The following GAPVD1 variants were observed in gnomAD, a reference collection of about 807,000 sequenced individuals.
GAPVD1 encodes the protein GTPase-activating protein and VPS9 domain-containing protein 1.
A neutral mutation model predicts 155.5 loss-of-function variants in GAPVD1; 35 were observed. The observed-to-expected ratio is 0.23, with a 90% CI of 0.17 to 0.30. The LOEUF is 0.30. GAPVD1 is among the 10% of genes least tolerant of loss of function. The pLI is 1.00. For synonymous variants in GAPVD1, 636 were observed against 619.7 expected, an observed-to-expected ratio of 1.03 and a Z score of -0.39; for missense variants, 1,429 against 1,775.7, an observed-to-expected ratio of 0.80 and a Z score of 3.51.
intron 12 of GAPVD1, among the ~76,000 whole-genome samples, chr9:125,328,775 G>A (rs972348080): frequency 6.6e-6 from 1 of 151,830 alleles, no homozygotes; most frequent in Non-Finnish European, 1.5e-5. Context: ...CAGTAGGGGC[G>A]GCCGGGCAGA....
At chr9:125,279,758 C>T (rs527876525) in intron 2 of GAPVD1, among the ~76,000 whole-genome samples, 1 of 151,014 alleles carries the variant, frequency 6.6e-6, no homozygotes, top group South Asian at 2.1e-4. Flanking sequence ...ATTATTTATT[C>T]AGTGACTTTT....
rs1272617217 is a variant in GAPVD1, at chr9:125,355,683, A to G, written c.3797A>G (p.Gln1266Arg). Reference protein sequence around the residue: ...KLTAADDKTAQVEDFLQFLYG... With the variant: ...KLTAADDKTARVEDFLQFLYG... ...ACCGCAGCTGACGATAAAACTGCTC[A>G]GGTAGAAGATTTTCTGCAGTTTCTT... Residue 1266 changes from glutamine to arginine, a missense_variant, in exon 25 of 28, where the codon CAG becomes CGG. By Grantham distance (43) the Gln-to-Arg change is conservative. Transcript: ENST00000297933. 1.2e-6 allele frequency: 2 copies of G among 1,613,570 alleles called. No homozygotes were observed. Among genetic ancestry groups the G allele is most frequent in the Non-Finnish European group, 1.7e-6 (2 of 1,179,616 alleles).
chr9:125,333,270 G>C (rs1354381937), intron 15 of GAPVD1, among the ~76,000 whole-genome samples: 1 of 151,126 alleles, frequency 6.6e-6, no homozygotes, highest in Admixed American at 6.6e-5. Context: ...TAGTAGATAC[G>C]GGGGTTTCAT....
Position 125,321,576 on chromosome 9 carries a change from T to C in GAPVD1, c.1732+14T>C. On this transcript the variant is annotated intron_variant, in intron 10 of 27. Coordinates refer to ENST00000297933, the MANE Select transcript of GAPVD1 (RefSeq NM_001282680.3). ...GAATATCTGAAGGTGAAGGGTTACT[T>C]CATTCAAGGAGTTGTGTGGTTCAAT... 1 of 1,609,164 alleles carries C rather than the reference T, an allele frequency of 6.2e-7. No individual in the cohort carries two copies. The highest frequency in any genetic ancestry group is 1.1e-5 in the South Asian group (1 of 90,750).
At chr9:125,288,180 C>T (rs925824986) in intron 2 of GAPVD1, among the ~76,000 whole-genome samples, 1 of 150,198 alleles carries the variant, frequency 6.7e-6, no homozygotes. Flanking sequence ...GGCGCGATCT[C>T]GGCTCACTGC....
intron 8 of GAPVD1, among the ~76,000 whole-genome samples, chr9:125,310,382 A>G (rs931560311): frequency 2.0e-5 from 3 of 152,200 alleles, no homozygotes; most frequent in African/African-American, 7.2e-5. Context: ...GTCAGCTTTC[A>G]TACAATGTGA....
In GAPVD1 at chr9:125,349,493, C is replaced by T; in HGVS notation, c.3273C>T (p.His1091=). The change falls in exon 21 of 28, where the codon CAC becomes CAT. Residue 1091 remains histidine, a synonymous_variant. Transcript: ENST00000297933. ...DLPDSASQAA[H]PQDSAFSYRD... is the part of the protein sequence containing the mutation. ...CAGACTCTGCAAGCCAAGCAGCCCA[C>T]CCGCAGGATTCAGCTTTCTCTTACA... The T allele has an allele frequency of 2.5e-6, 4 of 1,614,000 alleles. No homozygotes were observed. The highest frequency in any genetic ancestry group is 2.5e-6 in the Non-Finnish European group (3 of 1,179,938).
chr9:125,344,174 A>G (rs931293838), intron 19 of GAPVD1, among the ~76,000 whole-genome samples: 31 of 152,314 alleles, frequency 2.0e-4, no homozygotes, highest in African/African-American at 7.0e-4. Flanking sequence ...TAAAAATGTT[A>G]TAGGAGGAAA....
Position 125,330,098 on chromosome 9 carries a change from T to A in GAPVD1, c.2053T>A (p.Leu685Ile). The A allele has an allele frequency of 1.9e-6, 3 of 1,612,190 alleles. No individual in the cohort carries two copies. Among genetic ancestry groups the A allele is most frequent in the Non-Finnish European group, 2.5e-6 (3 of 1,179,038 alleles). The part of the protein sequence containing the change: ...EIAGAAAENM[L>I]GSLLCLPGSG... The stretch of plus-strand genomic sequence containing the variant: ...TACAGGTGCTGCAGCAGAGAACATG[T>A]TAGGCAGTTTGCTGTGCCTCCCAGG... Residue 685 changes from leucine to isoleucine, a missense_variant, in exon 13 of 28, where the codon TTA becomes ATA. Physicochemically the swap from Leu to Ile is conservative, Grantham distance 5. This residue lies in a region of GAPVD1 where 699 missense variants were observed against 826.0 expected (regional missense o/e 0.85). Transcript: ENST00000297933.
At chr9:125,266,337 G>A (rs1208220053) in intron 1 of GAPVD1, among the ~76,000 whole-genome samples, 4 of 149,680 alleles carry the variant, frequency 2.7e-5, no homozygotes, top group East Asian at 1.9e-4. Context: ...TTTTTTAGAC[G>A]GAGTCTCGCT....
At chr9:125,359,783 G>A (rs769377126) in intron 26 of GAPVD1, 1 of 307,038 alleles carries the variant, frequency 3.3e-6, no homozygotes, top group Non-Finnish European at 6.0e-6. Context: ...TTATAGTCAG[G>A]TTTCTACAGA....
At chr9:125,263,452 A>G (rs572922971) in intron 1 of GAPVD1, 2 of 581,010 alleles carry the variant, frequency 3.4e-6, no homozygotes, top group East Asian at 3.4e-5. Context: ...CGTCTCAAAA[A>G]ACAAAACAAA....
At chr9:125,293,573 C>A (rs1215230442) in intron 2 of GAPVD1, among the ~76,000 whole-genome samples, 1 of 80,778 alleles carries the variant, frequency 1.2e-5, no homozygotes, top group Non-Finnish European at 2.7e-5. Flanking sequence ...CTTCAGCCTC[C>A]CGAGTAGCTG....
chr9:125,313,401 T>A (rs1250815718), intron 9 of GAPVD1, among the ~76,000 whole-genome samples: 1 of 151,776 alleles, frequency 6.6e-6, no homozygotes, highest in Admixed American at 6.6e-5. Flanking sequence ...CCTCCCGGAT[T>A]CACACTGTTC....
chr9:125,290,204 A>G (rs1039010879), intron 2 of GAPVD1, among the ~76,000 whole-genome samples: 1 of 152,142 alleles, frequency 6.6e-6, no homozygotes, highest in African/African-American at 2.4e-5. Flanking sequence ...AAGGAGAAAA[A>G]ATGGTATGGA....
At chr9:125,341,915 G>A (rs1682599404) in intron 18 of GAPVD1, 1 of 199,090 alleles carries the variant, frequency 5.0e-6, no homozygotes, top group South Asian at 1.1e-4. Flanking sequence ...ATGAGGAGGA[G>A]AGAATGAAGC....
At chr9:125,312,693 T>G (rs918154047) in intron 9 of GAPVD1, 81 bp downstream of exon 9, 1 of 1,025,898 alleles carries the variant, frequency 9.7e-7, no homozygotes, top group Middle Eastern at 2.3e-4. Context: ...AGAGGTTGGG[T>G]GGCTTATAAA....
intron 2 of GAPVD1, among the ~76,000 whole-genome samples, chr9:125,294,538 G>T (rs1286548669): frequency 6.6e-6 from 1 of 151,276 alleles, no homozygotes; most frequent in Admixed American, 6.6e-5. Context: ...AGTAGAGACG[G>T]GGTTTCACCA....
intron 6 of GAPVD1, among the ~76,000 whole-genome samples, chr9:125,306,022 AT>A (rs1199874774): frequency 1.3e-5 from 2 of 152,226 alleles, no homozygotes; most frequent in Non-Finnish European, 2.9e-5. Flanking sequence ...ATATAGTTAA[AT>A]AAAATTTTAA....
Sources: allele counts gnomAD v4.1 joint callset (sites outside exome capture counted in the v4.1 genomes callset), GRCh38; gene constraint gnomAD v4.1.1; regional missense constraint gnomAD v4.1.1; transcripts MANE v1.5; gene names NCBI Gene and HGNC (gene_info 2026-07-23, HGNC 2026-07-21).